The following MTUS2 variants were observed in gnomAD, a reference collection of about 807,000 sequenced individuals.
MTUS2 encodes the protein microtubule-associated tumor suppressor candidate 2.
In MTUS2, 40 loss-of-function variants were observed where a neutral mutation model predicts 114.1. The ratio of observed to expected loss-of-function variants is 0.35; its 90% CI spans 0.27 to 0.46. The LOEUF is 0.46. Ranked by LOEUF, MTUS2 falls within the 20% of genes least tolerant of loss-of-function variation. The probability of loss-of-function intolerance (pLI) is 1.00; values close to 1 mark genes in which losing one functional copy is unlikely to be tolerated. For missense variants in MTUS2, 1,679 were observed against 1,705.4 expected (o/e 0.98, Z 0.27); for synonymous variants, 688 against 672.0 (o/e 1.02, Z -0.37).
intron 4 of MTUS2, among the ~76,000 whole-genome samples, chr13:29,093,954 T>A (rs973016325): frequency 2.0e-5 from 3 of 152,324 alleles, no homozygotes; most frequent in Non-Finnish European, 2.9e-5. Context: ...ATGTGGTTTA[T>A]CTGAATCAAT....
chr13:29,133,938 AT>A (rs1417818231), intron 5 of MTUS2, among the ~76,000 whole-genome samples: 1 of 151,402 alleles, frequency 6.6e-6, no homozygotes, highest in Non-Finnish European at 1.5e-5. Flanking sequence ...TTTGGGTTTA[AT>A]TTGTTCTTCT....
chr13:29,003,745 C>G (rs565290161), intron 2 of MTUS2, among the ~76,000 whole-genome samples: 1 of 152,228 alleles, frequency 6.6e-6, no homozygotes, highest in African/African-American at 2.4e-5. Context: ...ATGGATGATA[C>G]CCGGGTGATA....
intron 4 of MTUS2, among the ~76,000 whole-genome samples, chr13:29,060,545 T>TC (rs1252708466): frequency 2.1e-5 from 3 of 142,594 alleles, no homozygotes; most frequent in Non-Finnish European, 3.1e-5. Context: ...TAGCCCTTCT[T>TC]TTTTTTTTTT....
chr13:29,327,139 A>G (rs1042360215), intron 7 of MTUS2, among the ~76,000 whole-genome samples: 1 of 98,670 alleles, frequency 1.0e-5, no homozygotes, highest in Admixed American at 1.2e-4. Flanking sequence ...AAATATTAAA[A>G]ATGTATAAGT....
chr13:29,112,791 G>T (rs1319887094), intron 5 of MTUS2, among the ~76,000 whole-genome samples: 5 of 152,168 alleles, frequency 3.3e-5, no homozygotes, highest in African/African-American at 4.8e-5. Context: ...AGGGATGAGT[G>T]CTGAGAAATT....
chr13:29,038,120 T>G (rs1235415123), intron 4 of MTUS2, among the ~76,000 whole-genome samples: 1 of 152,234 alleles, frequency 6.6e-6, no homozygotes, highest in Non-Finnish European at 1.5e-5. Context: ...TTCAGCCTTT[T>G]TGTGCTGGTT....
chr13:28,894,282 G>GGGT (rs1555270959), intron 2 of MTUS2, among the ~76,000 whole-genome samples: 5 of 38,488 alleles, frequency 1.3e-4, no homozygotes, highest in African/African-American at 1.0e-3. Flanking sequence ...GAGTTGGTGG[G>GGGT]GGGGGGGGAG....
intron 7 of MTUS2, among the ~76,000 whole-genome samples, chr13:29,350,859 C>T (rs1332011219): frequency 6.6e-6 from 1 of 151,464 alleles, no homozygotes; most frequent in East Asian, 1.9e-4. Context: ...TATAAGAGCA[C>T]TAATCCCATT....
At chr13:29,061,502 G>C (rs1285137833) in intron 4 of MTUS2, among the ~76,000 whole-genome samples, 1 of 151,734 alleles carries the variant, frequency 6.6e-6, no homozygotes, top group Non-Finnish European at 1.5e-5. Context: ...TCATCCAAAG[G>C]GTTAATGGGA....
intron 8 of MTUS2, among the ~76,000 whole-genome samples, chr13:29,381,277 T>C (rs542847806): frequency 2.6e-5 from 4 of 152,244 alleles, no homozygotes; most frequent in African/African-American, 9.6e-5. Context: ...TTTGCAACTG[T>C]GGCAAGCAAA....
chr13:29,426,908 A>G (rs1876581595), intron 8 of MTUS2, among the ~76,000 whole-genome samples: 1 of 152,166 alleles, frequency 6.6e-6, no homozygotes, highest in Non-Finnish European at 1.5e-5. Context: ...GCGTGGGGGT[A>G]TACTAAGCCA....
intron 5 of MTUS2, among the ~76,000 whole-genome samples, chr13:29,275,049 T>C (rs1898012822): frequency 6.6e-6 from 1 of 152,224 alleles, no homozygotes. Flanking sequence ...AAATTCTTTA[T>C]ATATTTTGTA....
rs1349406492 is a variant in MTUS2 at position 29,048,497 on chromosome 13, G to A, written c.2446+14372G>A. Among the ~76,000 whole-genome samples the A allele has an allele frequency of 3.3e-5, 5 of 152,230 alleles. No homozygotes were observed. The South Asian group carries it at 6.2e-4, about 19-fold the overall frequency. Reference sequence around the variant, plus strand: ...TATTGCCATGTAATTTTTTGAGATAGGGTCTCACTCTCTTGCCCGTCACTG... The same window carrying A: ...TATTGCCATGTAATTTTTTGAGATAAGGTCTCACTCTCTTGCCCGTCACTG... On this transcript the variant is annotated intron_variant, in intron 4 of 15. Coordinates refer to ENST00000612955, the MANE Select transcript of MTUS2 (RefSeq NM_001033602.4).
At chr13:28,935,017 T>G (rs1192130533) in intron 2 of MTUS2, among the ~76,000 whole-genome samples, 5 of 145,584 alleles carry the variant, frequency 3.4e-5, no homozygotes, top group Non-Finnish European at 7.5e-5. Context: ...TTTTTTTTTT[T>G]TTTTTTTTTT....
At chr13:29,325,487 A>AGGGGGGG (rs1460957029) in intron 7 of MTUS2, among the ~76,000 whole-genome samples, 2 of 122,330 alleles carry the variant, frequency 1.6e-5, no homozygotes, top group Non-Finnish European at 3.4e-5. Context: ...AAGAAGAGGA[A>AGGGGGGG]GAGGGAGGAG....
chr13:29,002,839 C>G (rs1885443978), intron 2 of MTUS2, among the ~76,000 whole-genome samples: 1 of 152,192 alleles, frequency 6.6e-6, no homozygotes, highest in African/African-American at 2.4e-5. Context: ...AGTGCATTGG[C>G]TCTTAAATAT....
rs7993259 is a variant in MTUS2, at chr13:29,011,572, A to G, written c.-242-12885A>G. On this transcript the variant is annotated intron_variant, in intron 2 of 15. Coordinates refer to ENST00000612955, the MANE Select transcript of MTUS2 (RefSeq NM_001033602.4). ...AAAAACCAGTCATTCTCCCCAGCATATATCATTTATTTTTCCTTCATGTTT... is the reference window on the plus strand; with the variant it reads ...AAAAACCAGTCATTCTCCCCAGCATGTATCATTTATTTTTCCTTCATGTTT... 6.7e-3 allele frequency among the ~76,000 whole-genome samples: 1,026 copies of G among 152,294 alleles called. 11 individuals carry two copies. The highest frequency in any genetic ancestry group is 0.023 in the African/African-American group (970 of 41,548).
intron 5 of MTUS2, among the ~76,000 whole-genome samples, chr13:29,211,933 G>T (rs56271202): frequency 6.8e-6 from 1 of 147,382 alleles, no homozygotes; most frequent in Non-Finnish European, 1.5e-5. Context: ...GTCCATCTGA[G>T]TGGGAGCCTC....
chr13:29,318,274 T>C (rs933554596), intron 6 of MTUS2, among the ~76,000 whole-genome samples: 1 of 151,644 alleles, frequency 6.6e-6, no homozygotes, highest in Non-Finnish European at 1.5e-5. Flanking sequence ...TTTTTTTTGA[T>C]GTGCTGATTT....
Sources: allele counts gnomAD v4.1 joint callset (sites outside exome capture counted in the v4.1 genomes callset), GRCh38; gene constraint gnomAD v4.1.1; transcripts MANE v1.5; gene names NCBI Gene and HGNC (gene_info 2026-07-23, HGNC 2026-07-21).